The following ZNF224 variants were observed in gnomAD, a reference collection of about 807,000 sequenced individuals.
The protein encoded by ZNF224 is bone marrow zinc finger 2.
In ZNF224, 8 loss-of-function variants were observed where a neutral mutation model predicts 10.5. That is an observed-to-expected ratio of 0.76 (90% CI 0.45 to 1.37). The LOEUF (loss-of-function observed/expected upper bound fraction) is 1.37, where lower values mean the gene tolerates loss of function less well. Among genes scored for constraint, ZNF224 ranks in the 40% most tolerant of loss-of-function variants. ZNF224 has a pLI of 0.00. For synonymous variants in ZNF224, 282 were observed against 287.8 expected (o/e 0.98, Z 0.20); for missense variants, 754 against 854.0 (o/e 0.88, Z 1.46).
chr19:44,101,287 G>C, intron 5 of ZNF224, 62 bp downstream of exon 5: 1 of 1,540,848 alleles, frequency 6.5e-7, no homozygotes, highest in Non-Finnish European at 8.9e-7. Flanking sequence ...TTCTGTCCAT[G>C]CTCAAATCCA....
chr19:44,102,026 T>G (rs1440811729), intron 5 of ZNF224, among the ~76,000 whole-genome samples: 1 of 152,196 alleles, frequency 6.6e-6, no homozygotes, highest in Non-Finnish European at 1.5e-5. Flanking sequence ...ACTAGCAACC[T>G]TAATTGCATC....
intron 2 of ZNF224, among the ~76,000 whole-genome samples, chr19:44,096,681 C>A (rs1967441148): frequency 6.6e-6 from 1 of 152,154 alleles, no homozygotes; most frequent in Admixed American, 6.5e-5. Flanking sequence ...GTCCCCTACC[C>A]ATCTGCCACC....
rs1209400726 is a variant in ZNF224 at position 44,100,881 on chromosome 19, G to A, written c.96G>A (p.Leu32=). The A allele has an allele frequency of 6.2e-7, 1 of 1,614,168 alleles. No homozygotes were observed. Among genetic ancestry groups the A allele is most frequent in the Admixed American group, 1.7e-5 (1 of 60,020 alleles). The change falls in exon 4 of 6, where the codon CTG becomes CTA. Residue 32 remains leucine, a synonymous_variant. Coordinates refer to ENST00000693561, the MANE Select transcript of ZNF224 (RefSeq NM_001321645.3). ...TGCTGGACCTTGCTCAGAGGAAGCTGTATCGAGATGTGATGCTGGAGAACT... is the reference window on the plus strand; with the variant it reads ...TGCTGGACCTTGCTCAGAGGAAGCTATATCGAGATGTGATGCTGGAGAACT... The part of the protein sequence containing the change: ...LGLLDLAQRK[L]YRDVMLENFR...
chr19:44,108,418 C>G lies in ZNF224; in HGVS notation c.*134C>G, dbSNP rs1443337331. Reference sequence around the variant, plus strand: ...CCCTTTGAGTATTTTATCTCTGAATCCATGCTGGTGATAAATTTCACCCAT... The same window carrying G: ...CCCTTTGAGTATTTTATCTCTGAATGCATGCTGGTGATAAATTTCACCCAT... On this transcript the variant is annotated 3_prime_UTR_variant, in exon 6 of 6. Coordinates refer to ENST00000693561, the MANE Select transcript of ZNF224 (RefSeq NM_001321645.3). 1.1e-6 allele frequency: 1 copy of G among 932,230 alleles called. No homozygotes were observed. The highest frequency in any genetic ancestry group is 1.7e-5 in the African/African-American group (1 of 60,180). 57.7% of individuals were successfully genotyped at this position (932,230 alleles called of 1,614,324 possible).
intron 5 of ZNF224, among the ~76,000 whole-genome samples, chr19:44,102,510 G>A (rs1967570232): frequency 6.6e-6 from 1 of 152,180 alleles, no homozygotes; most frequent in Non-Finnish European, 1.5e-5. Flanking sequence ...ATTATGGAGA[G>A]AACTAATAAG....
chr19:44,097,016 T>A (rs1967448158), intron 2 of ZNF224: 1 of 190,076 alleles, frequency 5.3e-6, no homozygotes, highest in Non-Finnish European at 1.1e-5. Flanking sequence ...TGTCAGTTTG[T>A]CTCTTCATTG....
Position 44,107,233 on chromosome 19 carries a change from A to G in ZNF224, c.1073A>G (p.Asp358Gly). ...GGAAAAGGCTTTATTTGTAGGCGAG[A>G]TCTTTATACGCATCATATGGTCCAC... ...ECGKGFICRR[D>G]LYTHHMVHTG... The change falls in exon 6 of 6, where the codon GAT becomes GGT. Residue 358 changes from aspartate (D) to glycine (G), a missense_variant. Physicochemically the swap from Asp to Gly is moderately conservative, Grantham distance 94. Transcript: ENST00000693561. The G allele has an allele frequency of 6.3e-7, 1 of 1,598,518 alleles. No individual in the cohort carries two copies. Among genetic ancestry groups the G allele is most frequent in the Non-Finnish European group, 8.5e-7 (1 of 1,171,754 alleles).
At chr19:44,098,240 T>C (rs1967480528) in intron 3 of ZNF224, among the ~76,000 whole-genome samples, 1 of 152,230 alleles carries the variant, frequency 6.6e-6, no homozygotes, top group Non-Finnish European at 1.5e-5. Context: ...TTGCACTCTT[T>C]GTATTTAATA....
intron 2 of ZNF224, among the ~76,000 whole-genome samples, 197 bp downstream of exon 2, chr19:44,096,628 A>G (rs1967440012): frequency 6.6e-6 from 1 of 152,160 alleles, no homozygotes; most frequent in African/African-American, 2.4e-5. Flanking sequence ...CTGCAGTTCT[A>G]TATTTAAATT....
rs78349492 is a variant in ZNF224 at position 44,094,394 on chromosome 19, T to A, written c.-294T>A. ...GGACACTTCCGCTCGGGGACTGAGG[T>A]TGCTGCAGTTTTTCCGCGATAGTTT... On this transcript the variant is annotated 5_prime_UTR_variant, in exon 1 of 6. It adds an upstream start codon to the 5' untranslated region. Transcript: ENST00000693561. 4.1e-4 allele frequency: 62 copies of A among 152,070 alleles called. No individual in the cohort carries two copies. Among genetic ancestry groups the A allele is most frequent in the African/African-American group, 1.5e-3 (61 of 41,440 alleles). The allele number at this position is 152,070 out of a possible 1,614,324, so 9.4% of individuals were successfully genotyped here.
Position 44,107,962 on chromosome 19 carries a change from G to A in ZNF224, c.1802G>A (p.Cys601Tyr). 6.2e-7 allele frequency: 1 copy of A among 1,614,270 alleles called. No individual in the cohort carries two copies. Among genetic ancestry groups the A allele is most frequent in the Non-Finnish European group, 8.5e-7 (1 of 1,180,044 alleles). Residue 601 changes from cysteine to tyrosine, a missense_variant, in exon 6 of 6, where the codon TGT becomes TAT. Coordinates refer to ENST00000693561, the MANE Select transcript of ZNF224 (RefSeq NM_001321645.3). ...GAAAAGCCATACAAATGTGATGAGT[G>A]TGGGAAGGGCTTCAGCTGGTCCTCA... ...TGEKPYKCDECGKGFSWSSTR... is the reference protein window; with the variant it reads ...TGEKPYKCDEYGKGFSWSSTR...
Position 44,096,426 on chromosome 19 carries a change from G to A in ZNF224, c.-74G>A, listed in dbSNP as rs1967436517. 6.6e-6 allele frequency: 1 copy of A among 152,172 alleles called. No homozygotes were observed. The highest frequency in any genetic ancestry group is 2.4e-5 in the African/African-American group (1 of 41,430). 9.4% of individuals were successfully genotyped at this position (152,172 alleles called of 1,614,324 possible). A position where few individuals can be genotyped will look rare whatever the true frequency, so the allele number is the denominator to read the frequency against. Reference sequence around the variant, plus strand: ...CAAGGAAGCCCACGTACCAGGGGCTGTCTTGGTAAGTAGAATTTAGGAAGA... The same window carrying A: ...CAAGGAAGCCCACGTACCAGGGGCTATCTTGGTAAGTAGAATTTAGGAAGA... On this transcript the variant is annotated 5_prime_UTR_variant, in exon 2 of 6. Transcript: ENST00000693561.
chr19:44,099,421 T>C (rs2147524754), intron 3 of ZNF224, among the ~76,000 whole-genome samples: 1 of 152,308 alleles, frequency 6.6e-6, no homozygotes, highest in South Asian at 2.1e-4. Flanking sequence ...AAGAATCTTA[T>C]GCCCAGACCA....
In ZNF224 at chr19:44,107,322, T is replaced by C. The variant is rs897887744; in HGVS notation, c.1162T>C (p.Leu388=). 1.9e-6 allele frequency: 3 copies of C among 1,585,824 alleles called. No individual in the cohort carries two copies. The highest frequency in any genetic ancestry group is 3.6e-5 in the Admixed American group (2 of 55,426). Residue 388 remains leucine, a synonymous_variant, in exon 6 of 6, where the codon TTG becomes CTG. Transcript: ENST00000693561. ...GAGCTTCAGATGGGCCTCGTGTCTT[T>C]TGAAACATCAGCGAGTCCACAGTGG... ...GKSFRWASCL[L]KHQRVHSGEK... is the part of the protein sequence containing the mutation.
At position 44,097,816 on chromosome 19, in the gene ZNF224, G is replaced by T. The variant is rs1454983175; in HGVS notation, c.-58G>T. 3 of 1,599,966 alleles carry T rather than the reference G, an allele frequency of 1.9e-6. No individual in the cohort carries two copies. Among genetic ancestry groups the T allele is most frequent in the Non-Finnish European group, 2.6e-6 (3 of 1,172,986 alleles). On this transcript the variant is annotated 5_prime_UTR_variant, in exon 3 of 6. Transcript: ENST00000693561. Reference sequence around the variant, plus strand: ...CCTGGCACTTTGCAGGCACAATTCTGCTTTCCCAGGAACTGCATCACTCAG... The same window carrying T: ...CCTGGCACTTTGCAGGCACAATTCTTCTTTCCCAGGAACTGCATCACTCAG...
At chr19:44,103,271 T>C (rs1025609342) in intron 5 of ZNF224, among the ~76,000 whole-genome samples, 1 of 152,234 alleles carries the variant, frequency 6.6e-6, no homozygotes, top group Non-Finnish European at 1.5e-5. Flanking sequence ...AATATATCCA[T>C]ATTCCAGCGT....
Position 44,107,788 on chromosome 19 carries a change from A to G in ZNF224, c.1628A>G (p.Lys543Arg). 6.2e-7 allele frequency: 1 copy of G among 1,601,704 alleles called. No homozygotes were observed. ...ACAGGAGAGAGACCATACAATTGTAAGGAATGTGGGAAGAGTTTTGGCTGG... is the reference window on the plus strand; with the variant it reads ...ACAGGAGAGAGACCATACAATTGTAGGGAATGTGGGAAGAGTTTTGGCTGG... ...VHTGERPYNC[K>R]ECGKSFGWAS... The change falls in exon 6 of 6, where the codon AAG (lysine) becomes AGG (arginine). Residue 543 changes from lysine (K) to arginine (R), a missense_variant. Coordinates refer to ENST00000693561, the MANE Select transcript of ZNF224 (RefSeq NM_001321645.3).
chr19:44,102,193 A>T (rs2147527804), intron 5 of ZNF224, among the ~76,000 whole-genome samples: 1 of 152,044 alleles, frequency 6.6e-6, no homozygotes, highest in South Asian at 2.1e-4. Context: ...TCACCTCAAA[A>T]CCTTCTGGCA....
rs1410990583 is a variant in ZNF224 at position 44,107,655 on chromosome 19, C to G, written c.1495C>G (p.Leu499Val). ...GAAGAGATTTACTCAAAATTCACAT[C>G]TTCATTCCCATCAGAGAGTTCACAC... ...CGKRFTQNSH[L>V]HSHQRVHTGE... is the part of the protein sequence containing the mutation. Residue 499 changes from leucine (L) to valine (V), a missense_variant, in exon 6 of 6, where the codon CTT (leucine) becomes GTT (valine). Coordinates refer to ENST00000693561, the MANE Select transcript of ZNF224 (RefSeq NM_001321645.3). The G allele has an allele frequency of 1.9e-6, 3 of 1,613,914 alleles. No individual in the cohort carries two copies. The African/African-American group carries it at 4.0e-5, about 22-fold the overall frequency.
Sources: allele counts gnomAD v4.1 joint callset (sites outside exome capture counted in the v4.1 genomes callset), GRCh38; gene constraint gnomAD v4.1.1; transcripts MANE v1.5; gene names NCBI Gene and HGNC (gene_info 2026-07-23, HGNC 2026-07-21).